Variants in CELF2 observed in about 807,000 individuals in gnomAD.
The protein encoded by CELF2 is CUGBP Elav-like family member 2.
CELF2 carries 8 observed loss-of-function variants against 62.6 expected under a neutral mutation model. That is an observed-to-expected ratio of 0.13 (90% CI 0.07 to 0.23). CELF2 has a LOEUF of 0.23. CELF2 is among the 10% of genes least tolerant of loss of function. The pLI is 1.00. For missense variants in CELF2, 333 were observed against 671.0 expected (o/e 0.50, Z 5.56); for synonymous variants, 258 against 250.0 (o/e 1.03, Z -0.30).
chr10:10,820,417 CAT>C (rs1450287461), intron 1 of CELF2, among the ~76,000 whole-genome samples: 1 of 152,220 alleles, frequency 6.6e-6, no homozygotes, highest in Non-Finnish European at 1.5e-5. Flanking sequence ...CCCATTCTTC[CAT>C]GTTAGAAACC....
At chr10:10,826,049 G>A (rs575258463) in intron 1 of CELF2, among the ~76,000 whole-genome samples, 8 of 152,238 alleles carry the variant, frequency 5.3e-5, no homozygotes, top group Non-Finnish European at 1.0e-4. Context: ...CAGATAAAGG[G>A]GCTGTAGAGC....
At chr10:11,137,966 G>A (rs2132106273) in intron 1 of CELF2, among the ~76,000 whole-genome samples, 1 of 152,248 alleles carries the variant, frequency 6.6e-6, no homozygotes, top group East Asian at 1.9e-4. Flanking sequence ...GTTCAATTTA[G>A]GATGGTAAAA....
At chr10:11,240,540 T>G (rs780756363) in intron 3 of CELF2, among the ~76,000 whole-genome samples, 5 of 152,232 alleles carry the variant, frequency 3.3e-5, no homozygotes, top group African/African-American at 4.8e-5. Flanking sequence ...AAGCATAGAT[T>G]TAGCTCTGTC....
the CELF2 span, among the ~76,000 whole-genome samples, chr10:10,738,945 T>C: frequency 1.2e-4 from 18 of 152,298 alleles, no homozygotes; most frequent in African/African-American, 3.4e-4. Context: ...AAGATTGTAA[T>C]AGTAGGAGAG....
At chr10:11,264,768 T>C (rs954390165) in intron 5 of CELF2, among the ~76,000 whole-genome samples, 5 of 152,188 alleles carry the variant, frequency 3.3e-5, no homozygotes, top group Non-Finnish European at 5.9e-5. Context: ...ATTGCTGTTA[T>C]TGATGACAAA....
chr10:11,139,269 T>G (rs1323208750), intron 1 of CELF2, among the ~76,000 whole-genome samples: 1 of 152,258 alleles, frequency 6.6e-6, no homozygotes, highest in Non-Finnish European at 1.5e-5. Context: ...CTACTATCTT[T>G]AAATCCTTTT....
chr10:11,199,626 G>C (rs1482809764), intron 2 of CELF2, among the ~76,000 whole-genome samples: 1 of 152,160 alleles, frequency 6.6e-6, no homozygotes, highest in Admixed American at 6.5e-5. Flanking sequence ...TCACAGTTAA[G>C]AGCAGGCCCT....
chr10:11,082,024 CA>C (rs1425529768), intron 1 of CELF2, among the ~76,000 whole-genome samples: 2 of 152,134 alleles, frequency 1.3e-5, no homozygotes, highest in Non-Finnish European at 2.9e-5. Flanking sequence ...TCACTTTGGC[CA>C]GTTTATCACA....
intron 1 of CELF2, among the ~76,000 whole-genome samples, chr10:10,873,286 T>C (rs1425860034): frequency 6.6e-5 from 10 of 152,198 alleles, no homozygotes; most frequent in Non-Finnish European, 1.5e-4. Flanking sequence ...TTAATTAAGT[T>C]ATTCATTTGT....
chr10:10,780,454 C>CGTTT, the CELF2 span, among the ~76,000 whole-genome samples: 494 of 149,074 alleles, frequency 3.3e-3, 2 homozygotes, highest in African/African-American at 4.5e-3. Context: ...CAGAGGGAAA[C>CGTTT]GTTTGTTTGT....
chr10:10,642,034 G>T, the CELF2 span, among the ~76,000 whole-genome samples: 2 of 152,128 alleles, frequency 1.3e-5, no homozygotes, highest in African/African-American at 2.4e-5. Context: ...AGTGAGTGAA[G>T]ACCTGGTGGA....
the CELF2 span, among the ~76,000 whole-genome samples, chr10:10,550,235 AT>A: frequency 1.7e-3 from 261 of 152,332 alleles, 2 homozygotes; most frequent in African/African-American, 6.2e-3. Flanking sequence ...AGGGAAAAAT[AT>A]TCACTCTTCT....
At chr10:10,614,421 G>A in the CELF2 span, among the ~76,000 whole-genome samples, 3 of 152,234 alleles carry the variant, frequency 2.0e-5, no homozygotes, top group South Asian at 2.1e-4. Context: ...CCGGAAGGCA[G>A]TTCTCCATAG....
the CELF2 span, among the ~76,000 whole-genome samples, chr10:10,550,647 TGG>T: frequency 6.6e-6 from 1 of 151,746 alleles, no homozygotes; most frequent in Non-Finnish European, 1.5e-5. Context: ...GATCCTGCCA[TGG>T]GGTGATGCCA....
At chr10:10,899,551 T>C (rs984117189) in intron 1 of CELF2, among the ~76,000 whole-genome samples, 10 of 152,250 alleles carry the variant, frequency 6.6e-5, no homozygotes, top group Non-Finnish European at 1.0e-4. Context: ...TCATGGTTTT[T>C]TTCCCCCAAC....
the CELF2 span, among the ~76,000 whole-genome samples, chr10:10,531,159 G>A: frequency 3.9e-5 from 6 of 152,280 alleles, no homozygotes; most frequent in East Asian, 1.9e-4. Context: ...ATTGGCATCC[G>A]CTTGTGGTCA....
In CELF2 at chr10:11,257,882, C is replaced by G. The variant is rs2079286806; in HGVS notation, c.538+10C>G. 1 of 1,613,820 alleles carries G rather than the reference C, an allele frequency of 6.2e-7. No homozygotes were observed. Among genetic ancestry groups the G allele is most frequent in the African/African-American group, 1.3e-5 (1 of 74,942 alleles). ...GATGGGCTGAGTCGAGGTGAGTGTGCTGTCTGGAAAGCCTCTCCCCTTCAG... is the reference window on the plus strand; with the variant it reads ...GATGGGCTGAGTCGAGGTGAGTGTGGTGTCTGGAAAGCCTCTCCCCTTCAG... On this transcript the variant is annotated intron_variant, in intron 5 of 12. Transcript: ENST00000633077.
intron 2 of CELF2, among the ~76,000 whole-genome samples, chr10:11,188,818 TTTC>T (rs2075633412): frequency 6.6e-6 from 1 of 152,238 alleles, no homozygotes; most frequent in African/African-American, 2.4e-5. Flanking sequence ...AATGTGTTTT[TTTC>T]TTCCTTTTTT....
intron 2 of CELF2, among the ~76,000 whole-genome samples, chr10:10,930,585 T>C (rs1170604139): frequency 1.3e-5 from 2 of 152,180 alleles, no homozygotes; most frequent in Non-Finnish European, 2.9e-5. Flanking sequence ...CATAGAGAAT[T>C]GGAGATTTAT....
Sources: gnomAD v4.1 joint callset for allele counts (sites outside exome capture counted in the v4.1 genomes callset) on GRCh38, gnomAD v4.1.1 for gene constraint, MANE v1.5 for transcripts, NCBI Gene and HGNC (gene_info 2026-07-23, HGNC 2026-07-21) for gene names.